Variants in SEMA3E observed in about 807,000 individuals in gnomAD.
The protein encoded by SEMA3E is semaphorin 3E.
Under a neutral mutation model 93.6 loss-of-function variants are expected in SEMA3E, and 49 were observed. That is an observed-to-expected ratio of 0.52 (90% confidence interval 0.42 to 0.66). The LOEUF (loss-of-function observed/expected upper bound fraction) is 0.66, where lower values mean the gene tolerates loss of function less well. Among genes scored for constraint, SEMA3E ranks in the 30% least tolerant of loss-of-function variants. The pLI is 0.00. For missense variants in SEMA3E, 906 were observed against 964.8 expected, an observed-to-expected ratio of 0.94 and a Z score of 0.81; for synonymous variants, 363 against 330.7, an observed-to-expected ratio of 1.10 and a Z score of -1.06.
chr7:83,551,782 T>G (rs1702767109), intron 1 of SEMA3E, among the ~76,000 whole-genome samples: 1 of 152,062 alleles, frequency 6.6e-6, no homozygotes, highest in Admixed American at 6.6e-5. Flanking sequence ...GCTCAGATAA[T>G]TTTTTGGGGT....
At chr7:83,596,549 T>C (rs1433708170) in intron 1 of SEMA3E, among the ~76,000 whole-genome samples, 1 of 152,094 alleles carries the variant, frequency 6.6e-6, no homozygotes, top group Non-Finnish European at 1.5e-5. Flanking sequence ...GCTAGTTCTG[T>C]GTGTACAGAC....
At chr7:83,414,744 T>A (rs1005602535) in intron 5 of SEMA3E, among the ~76,000 whole-genome samples, 6 of 152,094 alleles carry the variant, frequency 3.9e-5, no homozygotes, top group Non-Finnish European at 1.5e-5. Context: ...AGTTAATCCT[T>A]TCAAAGCAAA....
At chr7:83,580,242 G>A (rs1211100062) in intron 1 of SEMA3E, among the ~76,000 whole-genome samples, 3 of 151,828 alleles carry the variant, frequency 2.0e-5, no homozygotes, top group Non-Finnish European at 2.9e-5. Flanking sequence ...AAAATGTTTG[G>A]ATTGCCTGTA....
At chr7:83,445,092 A>C (rs1228273195) in intron 4 of SEMA3E, among the ~76,000 whole-genome samples, 1 of 152,192 alleles carries the variant, frequency 6.6e-6, no homozygotes, top group Non-Finnish European at 1.5e-5. Flanking sequence ...TGAGTTAAGG[A>C]AGACATTTAC....
intron 1 of SEMA3E, among the ~76,000 whole-genome samples, chr7:83,505,705 A>G (rs755541927): frequency 4.6e-5 from 7 of 152,140 alleles, no homozygotes; most frequent in Admixed American, 6.5e-5. Context: ...ATAAGAATTT[A>G]TGCTGAAGAT....
intron 4 of SEMA3E, among the ~76,000 whole-genome samples, chr7:83,459,494 C>G (rs867227250): frequency 2.6e-5 from 4 of 152,114 alleles, no homozygotes; most frequent in African/African-American, 9.7e-5. Context: ...CTTTGTTGTA[C>G]ACATCTATAT....
Position 83,456,595 on chromosome 7 carries a change from T to TTTA in SEMA3E, c.456+9884_456+9886dup, listed in dbSNP as rs1554327678. On this transcript the variant is annotated intron_variant, in intron 4 of 16. Transcript: ENST00000643230. ...CTCCATATTTCTTTAACGACTCTAT[T>TTTA]TTATTTATTTATTTATTTATTTATT... Among the ~76,000 whole-genome samples, 9 of 4,198 alleles carry TTTA rather than the reference T, an allele frequency of 2.1e-3. No homozygotes were observed. The Non-Finnish European group carries it at 0.089, about 42-fold the overall frequency. 2.8% of individuals were successfully genotyped at this position (4,198 alleles called of 152,430 possible). A position where few individuals can be genotyped will look rare whatever the true frequency, so the allele number is the denominator to read the frequency against.
At position 83,405,438 on chromosome 7, in the gene SEMA3E, T is replaced by G. The variant is rs2245441; in HGVS notation, c.998+12A>C. The G allele has an allele frequency of 1.9e-6, 3 of 1,594,404 alleles. No homozygotes were observed. The highest frequency in any genetic ancestry group is 2.6e-6 in the Non-Finnish European group (3 of 1,162,666). ...TTCTATATTGTTTTTATTGACTGTA[T>G]AAATTTCTCACCTGGTAGTGTTAAA... On this transcript the variant is annotated intron_variant, in intron 9 of 16. Coordinates refer to ENST00000643230, the MANE Select transcript of SEMA3E (RefSeq NM_012431.3).
At chr7:83,509,453 ACT>A (rs1790767898) in intron 1 of SEMA3E, among the ~76,000 whole-genome samples, 1 of 152,132 alleles carries the variant, frequency 6.6e-6, no homozygotes, top group South Asian at 2.1e-4. Flanking sequence ...AACGAGACAC[ACT>A]CTGTGACATA....
At chr7:83,483,134 A>G (rs1332929541) in intron 2 of SEMA3E, among the ~76,000 whole-genome samples, 1 of 152,128 alleles carries the variant, frequency 6.6e-6, no homozygotes, top group Non-Finnish European at 1.5e-5. Context: ...AAAAAAAGTC[A>G]TTATTGCATT....
rs74833301 is a variant in SEMA3E, at chr7:83,492,505, T to C, written c.116-2231A>G. Among the ~76,000 whole-genome samples, 777 of 152,148 alleles carry C rather than the reference T, an allele frequency of 5.1e-3. 12 individuals carry two copies. Among genetic ancestry groups the C allele is most frequent in the African/African-American group, 0.018 (745 of 41,540 alleles). Reference sequence around the variant, plus strand: ...GTAAATAATAGTAGAAACTAATTATTGAATCATCAATCTTATTTTATTCTG... The same window carrying C: ...GTAAATAATAGTAGAAACTAATTATCGAATCATCAATCTTATTTTATTCTG... On this transcript the variant is annotated intron_variant, in intron 1 of 16. Transcript: ENST00000643230.
At chr7:83,605,824 T>C (rs1793105212) in intron 1 of SEMA3E, among the ~76,000 whole-genome samples, 1 of 152,148 alleles carries the variant, frequency 6.6e-6, no homozygotes, top group Non-Finnish European at 1.5e-5. Flanking sequence ...TTGTTTAAGT[T>C]CCTTGTAGAT....
intron 1 of SEMA3E, among the ~76,000 whole-genome samples, chr7:83,616,078 G>A (rs1793362045): frequency 6.6e-6 from 1 of 151,946 alleles, no homozygotes; most frequent in African/African-American, 2.4e-5. Flanking sequence ...AACCCGTTGG[G>A]GTCCCTTTCA....
chr7:83,629,851 G>A (rs1445661091), intron 1 of SEMA3E, among the ~76,000 whole-genome samples: 1 of 152,146 alleles, frequency 6.6e-6, no homozygotes, highest in African/African-American at 2.4e-5. Flanking sequence ...AAAACTTCCT[G>A]CAGCTAGCTC....
intron 1 of SEMA3E, among the ~76,000 whole-genome samples, chr7:83,535,531 T>C (rs984152160): frequency 5.3e-5 from 8 of 152,178 alleles, no homozygotes; most frequent in Admixed American, 2.0e-4. Context: ...TAATTTAGAG[T>C]CTATTCACAC....
intron 2 of SEMA3E, among the ~76,000 whole-genome samples, chr7:83,473,939 C>T (rs1789955050): frequency 6.6e-6 from 1 of 151,564 alleles, no homozygotes; most frequent in Admixed American, 6.6e-5. Flanking sequence ...ATGAAAAATA[C>T]AAAACTAGCC....
intron 10 of SEMA3E, among the ~76,000 whole-genome samples, chr7:83,400,885 A>T (rs2115620106): frequency 6.6e-6 from 1 of 152,260 alleles, no homozygotes. Context: ...GTTGTGTTGA[A>T]ACTTCTAACT....
chr7:83,372,729 A>C (rs1402425455), intron 16 of SEMA3E: 1 of 152,616 alleles, frequency 6.6e-6, no homozygotes, highest in East Asian at 1.9e-4. Flanking sequence ...CTTGGTTATG[A>C]CAAATACACA....
At position 83,586,293 on chromosome 7, in the gene SEMA3E, T is replaced by C. The variant is rs542284956; in HGVS notation, c.115+62135A>G. On this transcript the variant is annotated intron_variant, in intron 1 of 16. Transcript: ENST00000643230. ...TAGAAAGAGAAACGCATTTACAAGA[T>C]AATTTGGACATACAACCCCATGTCA... Among the ~76,000 whole-genome samples, 4 of 152,240 alleles carry C rather than the reference T, an allele frequency of 2.6e-5. No homozygotes were observed. The South Asian group carries it at 8.3e-4, about 32-fold the overall frequency.
Sources: gnomAD v4.1 joint callset for allele counts (sites outside exome capture counted in the v4.1 genomes callset) on GRCh38, gnomAD v4.1.1 for gene constraint, MANE v1.5 for transcripts, NCBI Gene and HGNC (gene_info 2026-07-23, HGNC 2026-07-21) for gene names.